CACNA2D1: variants seen among roughly 807,000 people sequenced by gnomAD.
The protein encoded by CACNA2D1 is voltage-dependent calcium channel subunit alpha-2/delta-1.
CACNA2D1 carries 53 observed loss-of-function variants against 171.5 expected under a neutral mutation model. That is an observed-to-expected ratio of 0.31 (90% CI 0.25 to 0.39). CACNA2D1 has a LOEUF of 0.39. Ranked by LOEUF, CACNA2D1 falls within the 10% of genes least tolerant of loss-of-function variation. CACNA2D1 has a pLI of 1.00. For missense variants in CACNA2D1, 903 were observed against 1,299.8 expected (o/e 0.69, Z 4.69); for synonymous variants, 442 against 443.1 (o/e 1.00, Z 0.03).
At chr7:82,222,872 T>C (rs1015921498) in intron 3 of CACNA2D1, among the ~76,000 whole-genome samples, 4 of 151,680 alleles carry the variant, frequency 2.6e-5, no homozygotes, top group African/African-American at 7.3e-5. Flanking sequence ...GAATATTATA[T>C]CTTTAGCTTT....
intron 6 of CACNA2D1, among the ~76,000 whole-genome samples, chr7:82,109,117 C>G (rs913280183): frequency 3.9e-5 from 6 of 152,014 alleles, no homozygotes; most frequent in South Asian, 2.1e-4. Context: ...ATATCAGAAC[C>G]ATGACAACAT....
rs78634486 is a variant in CACNA2D1 at position 82,390,066 on chromosome 7, A to G, written c.96-40417T>C. ...GAAGAAGCAAAATAAAGATGAGCTC[A>G]TATTCCAGAAATCTGCAAAGGTTTA... On this transcript the variant is annotated intron_variant, in intron 1 of 38. Coordinates refer to ENST00000356860, the MANE Select transcript of CACNA2D1 (RefSeq NM_000722.4). Among the ~76,000 whole-genome samples, 1,414 of 152,324 alleles carry G rather than the reference A, an allele frequency of 9.3e-3. 48 individuals are homozygous for G. In the East Asian group the frequency reaches 0.098, roughly 11 times the overall value.
At chr7:82,066,199 T>C (rs1219384538) in intron 8 of CACNA2D1, among the ~76,000 whole-genome samples, 2 of 152,090 alleles carry the variant, frequency 1.3e-5, no homozygotes, top group Admixed American at 6.6e-5. Flanking sequence ...AGAGGTGTAG[T>C]ACTGAGATTA....
chr7:82,325,902 T>A (rs1186834729), intron 3 of CACNA2D1, among the ~76,000 whole-genome samples: 3 of 152,168 alleles, frequency 2.0e-5, no homozygotes, highest in African/African-American at 7.2e-5. Flanking sequence ...GTTCTCCCCA[T>A]GTCTGGATAG....
At chr7:82,307,646 T>C (rs942068422) in intron 3 of CACNA2D1, among the ~76,000 whole-genome samples, 8 of 152,082 alleles carry the variant, frequency 5.3e-5, no homozygotes, top group African/African-American at 1.9e-4. Context: ...GGGCTATTGC[T>C]CTCCTGTTCA....
At chr7:82,426,750 T>C (rs1829232088) in intron 1 of CACNA2D1, among the ~76,000 whole-genome samples, 1 of 152,190 alleles carries the variant, frequency 6.6e-6, no homozygotes, top group Non-Finnish European at 1.5e-5. Flanking sequence ...ATTATTTTTC[T>C]GCACACAAGG....
intron 18 of CACNA2D1, among the ~76,000 whole-genome samples, chr7:82,003,744 CT>C (rs780882992): frequency 0.013 from 1,841 of 137,090 alleles, 27 homozygotes; most frequent in African/African-American, 0.042. Context: ...CATCACATTA[CT>C]TTTTTTTTTT....
At chr7:82,218,774 G>A (rs559402784) in intron 3 of CACNA2D1, among the ~76,000 whole-genome samples, 1 of 152,164 alleles carries the variant, frequency 6.6e-6, no homozygotes, top group African/African-American at 2.4e-5. Flanking sequence ...GTGCAATGTG[G>A]AATCTTAAAC....
At chr7:82,143,776 G>A (rs1354689086) in intron 4 of CACNA2D1, among the ~76,000 whole-genome samples, 1 of 152,088 alleles carries the variant, frequency 6.6e-6, no homozygotes, top group Non-Finnish European at 1.5e-5. Flanking sequence ...CTTTCACCTT[G>A]TATTAATCTA....
chr7:82,232,357 C>T lies in CACNA2D1; in HGVS notation c.295-61748G>A, dbSNP rs559260653. Among the ~76,000 whole-genome samples the T allele has an allele frequency of 2.4e-4, 30 of 127,564 alleles. No individual in the cohort carries two copies. In the South Asian group the frequency reaches 6.6e-3, roughly 28 times the overall value. The allele number at this position is 127,564 out of a possible 152,430, so 83.7% of individuals were successfully genotyped here. On this transcript the variant is annotated intron_variant, in intron 3 of 38. Transcript: ENST00000356860. ...TGCATATTTTAAAGTAACAAATGTT[C>T]GCCTTTTTGTACTGCTGGCAAGTCA... is the stretch of plus-strand genomic sequence containing the variant.
intron 9 of CACNA2D1, among the ~76,000 whole-genome samples, chr7:82,062,005 T>C (rs1696376444): frequency 6.6e-6 from 1 of 152,150 alleles, no homozygotes; most frequent in African/African-American, 2.4e-5. Context: ...TCTTGTGACC[T>C]CCAGAATAAT....
intron 1 of CACNA2D1, among the ~76,000 whole-genome samples, chr7:82,357,454 A>C (rs1331726772): frequency 2.0e-5 from 3 of 152,166 alleles, no homozygotes; most frequent in Admixed American, 6.6e-5. Context: ...GGTTGGAACA[A>C]TGCAGCCAAA....
rs144320754 is a variant in CACNA2D1, at chr7:82,148,933, G to A, written c.355-12257C>T. On this transcript the variant is annotated intron_variant, in intron 4 of 38. Coordinates refer to ENST00000356860, the MANE Select transcript of CACNA2D1 (RefSeq NM_000722.4). ...ATTACAGGCGTGAGCCACTACACCC[G>A]GCTGGACACCCTTCTTAATGCCTCT... 1.4e-3 allele frequency among the ~76,000 whole-genome samples: 210 copies of A among 152,278 alleles called. 5 individuals are homozygous for A. The East Asian group carries it at 0.038, about 27-fold the overall frequency.
chr7:82,050,170 C>T (rs991558942), intron 10 of CACNA2D1, among the ~76,000 whole-genome samples: 5 of 152,140 alleles, frequency 3.3e-5, no homozygotes, highest in African/African-American at 1.2e-4. Flanking sequence ...CTCTTACTTG[C>T]CTACACAGTG....
At chr7:82,367,623 G>A (rs1055041983) in intron 1 of CACNA2D1, among the ~76,000 whole-genome samples, 2 of 152,042 alleles carry the variant, frequency 1.3e-5, no homozygotes, top group Non-Finnish European at 2.9e-5. Context: ...TTTTTCACCA[G>A]AAGTCAAAAG....
At chr7:81,999,965 A>C (rs948223066) in intron 18 of CACNA2D1, among the ~76,000 whole-genome samples, 2 of 152,144 alleles carry the variant, frequency 1.3e-5, no homozygotes, top group Admixed American at 6.5e-5. Context: ...GGGGAGCTTT[A>C]AAAACTATTT....
intron 21 of CACNA2D1, among the ~76,000 whole-genome samples, chr7:81,988,922 G>A (rs1476468004): frequency 1.3e-5 from 2 of 152,160 alleles, no homozygotes; most frequent in African/African-American, 4.8e-5. Flanking sequence ...GTGTGTGCAT[G>A]ATGTTAAATT....
chr7:82,062,977 G>C (rs923127093), intron 9 of CACNA2D1, among the ~76,000 whole-genome samples: 1 of 151,794 alleles, frequency 6.6e-6, no homozygotes, highest in African/African-American at 2.4e-5. Context: ...AAACTCCTCG[G>C]CTTAAGCCAT....
chr7:82,305,753 T>C (rs1005755824), intron 3 of CACNA2D1, among the ~76,000 whole-genome samples: 1 of 152,204 alleles, frequency 6.6e-6, no homozygotes, highest in African/African-American at 2.4e-5. Flanking sequence ...ATTAATTTGC[T>C]TTTCGTCAGT....
Sources: gnomAD v4.1 joint callset for allele counts (sites outside exome capture counted in the v4.1 genomes callset) on GRCh38, gnomAD v4.1.1 for gene constraint, MANE v1.5 for transcripts, NCBI Gene and HGNC (gene_info 2026-07-23, HGNC 2026-07-21) for gene names.